Variants in COP1 observed in about 807,000 individuals in gnomAD.
COP1 encodes the protein E3 ubiquitin-protein ligase COP1.
COP1 carries 24 observed loss-of-function variants against 101.3 expected under a neutral mutation model. The observed-to-expected ratio is 0.24, with a 90% CI of 0.17 to 0.33. The LOEUF (loss-of-function observed/expected upper bound fraction) is 0.33. COP1 is among the 10% of genes least tolerant of loss of function. The pLI is 1.00. For synonymous variants in COP1, 347 were observed against 341.9 expected, an observed-to-expected ratio of 1.01 and a Z score of -0.17; for missense variants, 663 against 906.2, an observed-to-expected ratio of 0.73 and a Z score of 3.45.
chr1:175,977,929 C>G (rs554178023), intron 18 of COP1, among the ~76,000 whole-genome samples: 1 of 152,180 alleles, frequency 6.6e-6, no homozygotes, highest in East Asian at 1.9e-4. Context: ...CCAATATTCA[C>G]TTTCCTTCTT....
chr1:176,039,212 T>C (rs1670098685), intron 14 of COP1, among the ~76,000 whole-genome samples: 1 of 152,004 alleles, frequency 6.6e-6, no homozygotes, highest in Non-Finnish European at 1.5e-5. Flanking sequence ...AAGTAACACA[T>C]ACATCAAAAA....
At chr1:176,165,393 T>G (rs868532760) in intron 3 of COP1, among the ~76,000 whole-genome samples, 3 of 139,892 alleles carry the variant, frequency 2.1e-5, no homozygotes, top group East Asian at 4.1e-4. Context: ...TGTGTGTGTG[T>G]GTGTGTGTGT....
chr1:176,077,786 T>C lies in COP1; in HGVS notation c.1277+3366A>G, dbSNP rs142948527. 2.9e-3 allele frequency among the ~76,000 whole-genome samples: 435 copies of C among 152,316 alleles called. 3 individuals are homozygous for C. The highest frequency in any genetic ancestry group is 9.3e-3 in the African/African-American group (386 of 41,586). On this transcript the variant is annotated intron_variant, in intron 11 of 19. Coordinates refer to ENST00000367669, the MANE Select transcript of COP1 (RefSeq NM_022457.7). ...TCTGCCAAAAGGCTCCTGGAACTGA[T>C]AGACAAATTCAGCAAAGTTTCAGAA...
At chr1:176,114,275 T>C (rs2481630) in intron 9 of COP1, among the ~76,000 whole-genome samples, 42,938 of 151,884 alleles carry the variant, frequency 0.28, 6,900 homozygotes, top group East Asian at 0.52. Context: ...CAGAAACAGA[T>C]ACAAACCAAT....
At position 176,094,021 on chromosome 1, in the gene COP1, CA is replaced by C. The variant is rs199626941; in HGVS notation, c.1027-8132del. 2.8e-4 allele frequency among the ~76,000 whole-genome samples: 19 copies of C among 68,060 alleles called. No individual in the cohort carries two copies. In the East Asian group the frequency reaches 3.1e-3, roughly 11 times the overall value. The allele number at this position is 68,060 out of a possible 152,430, so 44.7% of individuals were successfully genotyped here. ...CTGGAGGCAGAGTGAGACTCTGTCT[CA>C]AAAAAAAAAGGAAAAAAAAAAAAGT... On this transcript the variant is annotated intron_variant, in intron 9 of 19. Coordinates refer to ENST00000367669, the MANE Select transcript of COP1 (RefSeq NM_022457.7).
In COP1 at chr1:175,959,070, A is replaced by T. The variant is rs1432690310; in HGVS notation, c.2134-11831T>A. Reference sequence around the variant, plus strand: ...GACAAATGAAAAAATCCTAAACAAAATAGTAGCAAGTTGATTTTAACAATA... The same window carrying T: ...GACAAATGAAAAAATCCTAAACAAATTAGTAGCAAGTTGATTTTAACAATA... On this transcript the variant is annotated intron_variant, in intron 18 of 19. Coordinates refer to ENST00000367669, the MANE Select transcript of COP1 (RefSeq NM_022457.7). 2.0e-5 allele frequency among the ~76,000 whole-genome samples: 3 copies of T among 151,996 alleles called. No homozygotes were observed. The South Asian group carries it at 6.2e-4, about 31-fold the overall frequency.
At position 176,004,220 on chromosome 1, in the gene COP1, G is replaced by C. The variant is rs1223041507; in HGVS notation, c.1730-14741C>G. ...TGATTTTGTATCCTGAGACTTTGCT[G>C]AAGTTGCTTATCAGCTTAAGGAGAT... On this transcript the variant is annotated intron_variant, in intron 15 of 19. Transcript: ENST00000367669. 4.7e-5 allele frequency among the ~76,000 whole-genome samples: 7 copies of C among 149,630 alleles called. No homozygotes were observed. In the South Asian group the frequency reaches 1.5e-3, roughly 32 times the overall value.
intron 18 of COP1, among the ~76,000 whole-genome samples, chr1:175,959,268 T>C (rs1411558390): frequency 1.3e-5 from 2 of 152,042 alleles, no homozygotes; most frequent in African/African-American, 4.8e-5. Context: ...TCATTTATGG[T>C]AAGAACTCTC....
chr1:176,034,797 G>A (rs1223833650), intron 14 of COP1, among the ~76,000 whole-genome samples: 1 of 152,180 alleles, frequency 6.6e-6, no homozygotes, highest in Non-Finnish European at 1.5e-5. Flanking sequence ...GCTCTAACTG[G>A]CATGGGCATT....
At chr1:176,116,514 T>G (rs1686210454) in intron 9 of COP1, 110 bp downstream of exon 9, 2 of 835,906 alleles carry the variant, frequency 2.4e-6, no homozygotes, top group East Asian at 5.0e-5. Flanking sequence ...CACCACTGCA[T>G]TCAAAATGGT....
At chr1:176,102,777 T>A (rs1048303707) in intron 9 of COP1, among the ~76,000 whole-genome samples, 9 of 152,212 alleles carry the variant, frequency 5.9e-5, no homozygotes, top group Admixed American at 5.2e-4. Flanking sequence ...GTGCTTGAGA[T>A]ATTTTGCAGA....
At chr1:176,006,069 T>C (rs1663115134) in intron 15 of COP1, among the ~76,000 whole-genome samples, 1 of 152,250 alleles carries the variant, frequency 6.6e-6, no homozygotes, top group Non-Finnish European at 1.5e-5. Flanking sequence ...TAGTTAGCTC[T>C]TCCTGCTGAA....
At chr1:176,022,697 T>C (rs776731802) in intron 15 of COP1, among the ~76,000 whole-genome samples, 3 of 152,180 alleles carry the variant, frequency 2.0e-5, no homozygotes, top group East Asian at 3.9e-4. Context: ...TTAAGCACTA[T>C]TGGCCTCACT....
At chr1:176,036,491 GA>G (rs923624189) in intron 14 of COP1, among the ~76,000 whole-genome samples, 3 of 120,386 alleles carry the variant, frequency 2.5e-5, no homozygotes, top group Non-Finnish European at 3.4e-5. Flanking sequence ...CAGAGGTAAT[GA>G]AAAAAACAAA....
chr1:176,089,403 G>A (rs1309824686), intron 9 of COP1, among the ~76,000 whole-genome samples: 1 of 152,032 alleles, frequency 6.6e-6, no homozygotes, highest in Non-Finnish European at 1.5e-5. Flanking sequence ...TTCATTAGAA[G>A]AACAAAATAA....
intron 6 of COP1, among the ~76,000 whole-genome samples, chr1:176,147,960 C>T (rs1009464098): frequency 1.3e-5 from 2 of 152,058 alleles, no homozygotes; most frequent in African/African-American, 4.8e-5. Context: ...AGTGCAGTGG[C>T]GCGATCTCGG....
At chr1:175,996,970 G>T (rs1234429570) in intron 15 of COP1, among the ~76,000 whole-genome samples, 2 of 151,394 alleles carry the variant, frequency 1.3e-5, no homozygotes, top group Non-Finnish European at 3.0e-5. Flanking sequence ...AACAAAGCTG[G>T]AGGCATCACA....
At chr1:176,044,280 A>C (rs753232363) in intron 12 of COP1, among the ~76,000 whole-genome samples, 4 of 152,250 alleles carry the variant, frequency 2.6e-5, no homozygotes, top group Non-Finnish European at 5.9e-5. Flanking sequence ...TCTTGACTTG[A>C]CTAATTATAA....
chr1:175,963,248 T>A (rs981903635), intron 18 of COP1, among the ~76,000 whole-genome samples: 2 of 152,112 alleles, frequency 1.3e-5, no homozygotes, highest in African/African-American at 4.8e-5. Context: ...TCTAAACTTT[T>A]TTTTTTTCTC....
Sources: gnomAD v4.1 joint callset for allele counts (sites outside exome capture counted in the v4.1 genomes callset) on GRCh38, gnomAD v4.1.1 for gene constraint, MANE v1.5 for transcripts, NCBI Gene and HGNC (gene_info 2026-07-23, HGNC 2026-07-21) for gene names.